The following YWHAZ variants were observed in gnomAD, a reference collection of about 807,000 sequenced individuals.
The protein encoded by YWHAZ is 14-3-3 protein zeta/delta.
For synonymous variants in YWHAZ, 87 were observed against 103.6 expected (o/e 0.84, Z 0.97); for missense variants, 79 against 284.8 (o/e 0.28, Z 5.20).
At chr8:100,923,008 T>C (rs547394482) in intron 5 of YWHAZ, 1 of 152,330 alleles carries the variant, frequency 6.6e-6, no homozygotes, top group African/African-American at 2.4e-5. Context: ...TTAGGTTTAA[T>C]AAACAAGTAT....
chr8:100,918,408 T>TTATATAATA lies in YWHAZ; in HGVS notation c.*2284_*2285insTATTATATA, dbSNP rs1554611376. ...AGTCTAGCTATAAAATATAATTACTTTATATATATATATATATATATATAT... is the reference window on the plus strand; with the variant it reads ...AGTCTAGCTATAAAATATAATTACTTTATATAATATATATATATATATATATATATATAT... On this transcript the variant is annotated 3_prime_UTR_variant, in exon 6 of 6. Coordinates refer to ENST00000395958, the MANE Select transcript of YWHAZ (RefSeq NM_145690.3). The TTATATAATA allele has an allele frequency of 1.2e-4, 5 of 41,882 alleles. 1 individual carries two copies. Among genetic ancestry groups the TTATATAATA allele is most frequent in the Non-Finnish European group, 1.9e-4 (4 of 20,796 alleles). The allele number at this position is 41,882 out of a possible 1,614,324, so 2.6% of individuals were successfully genotyped here.
At chr8:100,925,760 TC>T (rs1201019543) in intron 2 of YWHAZ, among the ~76,000 whole-genome samples, 3 of 149,366 alleles carry the variant, frequency 2.0e-5, no homozygotes, top group South Asian at 2.1e-4. Context: ...ACTATTACAA[TC>T]TGAGTCATTT....
At chr8:100,926,986 T>C (rs1813408474) in intron 2 of YWHAZ, among the ~76,000 whole-genome samples, 1 of 152,214 alleles carries the variant, frequency 6.6e-6, no homozygotes, top group South Asian at 2.1e-4. Flanking sequence ...TGGTTTTGAA[T>C]TACAGCACTA....
At chr8:100,936,843 C>A (rs1228086945) in intron 2 of YWHAZ, among the ~76,000 whole-genome samples, 1 of 151,876 alleles carries the variant, frequency 6.6e-6, no homozygotes, top group Non-Finnish European at 1.5e-5. Context: ...CCAGACAAAT[C>A]GAAACTGAGA....
chr8:100,923,623 C>T (rs79293996), intron 5 of YWHAZ: 2,509 of 177,044 alleles, frequency 0.014, 22 homozygotes, highest in Non-Finnish European at 0.022. Flanking sequence ...CTACCATTAT[C>T]TTTACCAATA....
intron 2 of YWHAZ, among the ~76,000 whole-genome samples, chr8:100,932,425 G>A (rs982953014): frequency 2.0e-5 from 3 of 151,814 alleles, no homozygotes; most frequent in African/African-American, 7.3e-5. Context: ...TCTATAAATA[G>A]GTACATTTTC....
chr8:100,950,665 G>GC, intron 1 of YWHAZ: 4 of 888,044 alleles, frequency 4.5e-6, no homozygotes, highest in Non-Finnish European at 5.4e-6. Flanking sequence ...CGTGGGGGGG[G>GC]GGGAGAGATG....
chr8:100,942,744 G>A (rs746744713), intron 2 of YWHAZ, among the ~76,000 whole-genome samples: 20 of 152,146 alleles, frequency 1.3e-4, no homozygotes, highest in Non-Finnish European at 2.5e-4. Flanking sequence ...GCCTCTTGCA[G>A]GGAATTCTGG....
At chr8:100,926,572 T>C (rs777013242) in intron 2 of YWHAZ, among the ~76,000 whole-genome samples, 8 of 152,112 alleles carry the variant, frequency 5.3e-5, no homozygotes, top group Non-Finnish European at 8.8e-5. Context: ...TGAGCCGAGG[T>C]TGCACCACTG....
intron 2 of YWHAZ, among the ~76,000 whole-genome samples, chr8:100,937,744 C>T (rs1031333060): frequency 7.2e-5 from 11 of 152,174 alleles, no homozygotes; most frequent in African/African-American, 2.4e-4. Context: ...AGCATACACA[C>T]ACCAGAAGTT....
chr8:100,940,515 T>C (rs1809752663), intron 2 of YWHAZ, among the ~76,000 whole-genome samples: 1 of 152,240 alleles, frequency 6.6e-6, no homozygotes, highest in Non-Finnish European at 1.5e-5. Flanking sequence ...CTTTTACATT[T>C]ATTTTTGTAA....
chr8:100,945,896 G>C (rs145347411), intron 2 of YWHAZ, among the ~76,000 whole-genome samples: 119 of 151,980 alleles, frequency 7.8e-4, no homozygotes, highest in African/African-American at 2.7e-3. Flanking sequence ...ACAAATATTT[G>C]AGCATCTATT....
At chr8:100,951,116 C>T (rs897238970) in intron 1 of YWHAZ, 4 of 910,594 alleles carry the variant, frequency 4.4e-6, no homozygotes, top group Admixed American at 6.4e-5. Context: ...AAATTCAAGT[C>T]CTTCCTCCCA....
In YWHAZ at chr8:100,932,651, C is replaced by T. The variant is rs529665128; in HGVS notation, c.295-7612G>A. 3.3e-5 allele frequency among the ~76,000 whole-genome samples: 5 copies of T among 152,152 alleles called. No homozygotes were observed. In the East Asian group the frequency reaches 7.7e-4, roughly 24 times the overall value. ...GGCTCAATTCATTTAAGATATTTGT[C>T]GAATACCTAGGTCTGAATACCCACA... is the stretch of plus-strand genomic sequence containing the variant. On this transcript the variant is annotated intron_variant, in intron 2 of 5. Coordinates refer to ENST00000395958, the MANE Select transcript of YWHAZ (RefSeq NM_145690.3).
intron 2 of YWHAZ, among the ~76,000 whole-genome samples, chr8:100,943,576 T>C (rs1444624531): frequency 6.6e-6 from 1 of 152,182 alleles, no homozygotes; most frequent in East Asian, 1.9e-4. Context: ...ACCTTTCCAT[T>C]CCCTTTCCTT....
chr8:100,921,690 C>T (rs893887846), intron 5 of YWHAZ, among the ~76,000 whole-genome samples: 1 of 152,136 alleles, frequency 6.6e-6, no homozygotes, highest in Admixed American at 6.5e-5. Flanking sequence ...TTTGCACTAC[C>T]CTATCATATG....
Position 100,924,373 on chromosome 8 carries a change from A to G in YWHAZ, c.419-75T>C. ...TCACCCCTCAAACCAAACCTTTAAT[A>G]TCTCACATATCCTTTGAAATACTAA... is the stretch of plus-strand genomic sequence containing the variant. On this transcript the variant is annotated intron_variant, in intron 3 of 5. Coordinates refer to ENST00000395958, the MANE Select transcript of YWHAZ (RefSeq NM_145690.3). This position sits in a 1 kb window ranked among gnomAD's most constrained non-coding sequence, Gnocchi z 5.7. 1 of 1,420,446 alleles carries G rather than the reference A, an allele frequency of 7.0e-7. No homozygotes were observed. The highest frequency in any genetic ancestry group is 1.3e-5 in the South Asian group (1 of 74,582). 88.0% of individuals were successfully genotyped at this position (1,420,446 alleles called of 1,614,324 possible). A position where few individuals can be genotyped will look rare whatever the true frequency, so the allele number is the denominator to read the frequency against.
intron 2 of YWHAZ, among the ~76,000 whole-genome samples, chr8:100,941,027 C>T (rs936222007): frequency 1.0e-4 from 15 of 148,014 alleles, no homozygotes; most frequent in African/African-American, 3.5e-4. Flanking sequence ...AAGGAAAAGT[C>T]GTTACTCTTA....
Position 100,920,798 on chromosome 8 carries a change from G to T in YWHAZ, c.679-46C>A, listed in dbSNP as rs748900436. The stretch of plus-strand genomic sequence containing the variant: ...TTTTCAGCAAGTTTCAGTGGGATGG[G>T]GGGGGGGGGGCGTTTTCATATAAGT... On this transcript the variant is annotated intron_variant, in intron 5 of 5. Coordinates refer to ENST00000395958, the MANE Select transcript of YWHAZ (RefSeq NM_145690.3). The T allele has an allele frequency of 4.3e-5, 43 of 1,004,472 alleles. 1 individual carries two copies. Among genetic ancestry groups the T allele is most frequent in the African/African-American group, 3.5e-4 (21 of 59,290 alleles). 62.2% of individuals were successfully genotyped at this position (1,004,472 alleles called of 1,614,324 possible).
Sources: gnomAD v4.1 joint callset for allele counts (sites outside exome capture counted in the v4.1 genomes callset) on GRCh38, gnomAD v4.1.1 for gene constraint, Gnocchi (gnomAD v3.1) non-coding constraint, MANE v1.5 for transcripts, NCBI Gene and HGNC (gene_info 2026-07-23, HGNC 2026-07-21) for gene names.